The following FBXO11 variants were observed in gnomAD, a reference collection of about 807,000 sequenced individuals.
FBXO11 encodes the protein F-box only protein 11.
FBXO11 carries 13 observed loss-of-function variants against 117.0 expected under a neutral mutation model. The observed-to-expected ratio is 0.11, with a 90% CI of 0.07 to 0.18. FBXO11 has a LOEUF of 0.18. Ranked by LOEUF, FBXO11 falls within the 10% of genes least tolerant of loss-of-function variation. The pLI is 1.00. For synonymous variants in FBXO11, 490 were observed against 380.5 expected (o/e 1.29, Z -3.35); for missense variants, 767 against 1,164.4 (o/e 0.66, Z 4.97).
chr2:47,838,947 T>C lies in FBXO11; in HGVS notation c.499A>G (p.Ile167Val), dbSNP rs578205553. The change falls in exon 4 of 23, where the codon ATC becomes GTC. Residue 167 changes from isoleucine (I) to valine (V), a missense_variant. Ile to Val is a conservative substitution (Grantham distance 29, BLOSUM62 3). This residue lies in a region of FBXO11 where 355 missense variants were observed against 299.8 expected (regional missense o/e 1.18). Coordinates refer to ENST00000403359, the MANE Select transcript of FBXO11 (RefSeq NM_001190274.2). ...TCCTGTTCCAGCAAGTAAGAGAAGA[T>C]TTTTAGAACCACTTCATCTGGCAGT... ...EKLPDEVVLK[I>V]FSYLLEQDLC... 1.9e-6 allele frequency: 3 copies of C among 1,614,052 alleles called. No homozygotes were observed. Among genetic ancestry groups the C allele is most frequent in the South Asian group, 2.2e-5 (2 of 91,068 alleles).
intron 16 of FBXO11, among the ~76,000 whole-genome samples, chr2:47,816,466 T>G (rs1671016716): frequency 6.6e-6 from 1 of 152,170 alleles, no homozygotes; most frequent in African/African-American, 2.4e-5. Flanking sequence ...CAGCACTTTT[T>G]CAGATCTCCT....
intron 11 of FBXO11, among the ~76,000 whole-genome samples, chr2:47,826,448 T>C (rs1558417400): frequency 6.6e-6 from 1 of 152,224 alleles, no homozygotes. Context: ...CTGATTCTTT[T>C]GATTCACATC....
At chr2:47,817,561 C>G (rs1185497399) in intron 16 of FBXO11, among the ~76,000 whole-genome samples, 11 of 152,210 alleles carry the variant, frequency 7.2e-5, no homozygotes, top group East Asian at 1.9e-4. Flanking sequence ...GGCTATTCAG[C>G]CTTTAGACAT....
chr2:47,822,546 G>A (rs1345607058), intron 12 of FBXO11, among the ~76,000 whole-genome samples: 3 of 152,138 alleles, frequency 2.0e-5, no homozygotes, highest in African/African-American at 7.2e-5. Flanking sequence ...TTTTTTAGCT[G>A]ATCTAGAAAC....
At chr2:47,820,504 A>G in intron 13 of FBXO11, 48 bp from the exon 14 acceptor site, 1 of 1,430,070 alleles carries the variant, frequency 7.0e-7, no homozygotes, top group African/African-American at 1.4e-5. Flanking sequence ...AGCCTAGAGA[A>G]TACAGTAAGG....
At chr2:47,879,723 G>A (rs1676299275) in intron 1 of FBXO11, among the ~76,000 whole-genome samples, 1 of 152,152 alleles carries the variant, frequency 6.6e-6, no homozygotes, top group Non-Finnish European at 1.5e-5. Flanking sequence ...CTGCAAATAA[G>A]TTTTACCAGT....
intron 1 of FBXO11, among the ~76,000 whole-genome samples, chr2:47,890,062 T>C (rs1296067052): frequency 6.6e-6 from 1 of 152,222 alleles, no homozygotes; most frequent in Non-Finnish European, 1.5e-5. Flanking sequence ...GCAATCCTAC[T>C]GCCTCAGTCT....
intron 16 of FBXO11, chr2:47,818,322 G>C (rs1315180493): frequency 6.5e-6 from 1 of 153,942 alleles, no homozygotes. Flanking sequence ...GTAATAAACA[G>C]AGGTAAGCCA....
At chr2:47,813,020 A>T in intron 18 of FBXO11, 1 of 563,992 alleles carries the variant, frequency 1.8e-6, no homozygotes, top group Non-Finnish European at 3.2e-6. Context: ...GCTTACTGAC[A>T]ACTGCAGACT....
intron 1 of FBXO11, among the ~76,000 whole-genome samples, chr2:47,887,145 C>A (rs967507887): frequency 6.6e-6 from 1 of 152,072 alleles, no homozygotes; most frequent in Admixed American, 6.6e-5. Flanking sequence ...CTTAGATGGG[C>A]ATGGTGGCGC....
chr2:47,904,163 A>T (rs986506845), intron 1 of FBXO11, among the ~76,000 whole-genome samples: 1 of 152,246 alleles, frequency 6.6e-6, no homozygotes, highest in Non-Finnish European at 1.5e-5. Flanking sequence ...GTATAATTTT[A>T]AAAAACATTT....
intron 1 of FBXO11, among the ~76,000 whole-genome samples, chr2:47,865,326 T>C (rs921494193): frequency 1.3e-5 from 2 of 152,202 alleles, no homozygotes; most frequent in African/African-American, 4.8e-5. Context: ...TTTTGGCCAA[T>C]GGGCTACATG....
Position 47,810,308 on chromosome 2 carries a change from A to G in FBXO11, c.2338+8T>C. 1 of 1,577,664 alleles carries G rather than the reference A, an allele frequency of 6.3e-7. No individual in the cohort carries two copies. The highest frequency in any genetic ancestry group is 8.7e-7 in the Non-Finnish European group (1 of 1,155,270). ...TATAAGCCACAGGTAAGAAAAGAAA[A>G]TACAAACCTGCGGCAAATCCATCAA... On this transcript the variant is annotated splice_region_variant and intron_variant, in intron 19 of 22. Transcript: ENST00000403359.
chr2:47,808,667 T>C (rs770800513), intron 21 of FBXO11: 1 of 405,180 alleles, frequency 2.5e-6, no homozygotes, highest in Non-Finnish European at 4.4e-6. Flanking sequence ...TCTTTCCACT[T>C]TAAAAGCCTC....
intron 1 of FBXO11, among the ~76,000 whole-genome samples, chr2:47,855,063 C>T (rs1674175538): frequency 6.6e-6 from 1 of 152,010 alleles, no homozygotes; most frequent in Non-Finnish European, 1.5e-5. Context: ...AACATGAAAT[C>T]AGGAATCACT....
chr2:47,835,538 G>A (rs1292280912), intron 5 of FBXO11, among the ~76,000 whole-genome samples: 1 of 151,570 alleles, frequency 6.6e-6, no homozygotes, highest in Non-Finnish European at 1.5e-5. Flanking sequence ...TCACTCTGTC[G>A]CCCAGGCTGG....
chr2:47,888,041 A>G (rs1477482810), intron 1 of FBXO11, among the ~76,000 whole-genome samples: 2 of 151,888 alleles, frequency 1.3e-5, no homozygotes, highest in Non-Finnish European at 2.9e-5. Flanking sequence ...TAAAAAATGA[A>G]AGATATATAT....
At chr2:47,891,608 C>T (rs1451994346) in intron 1 of FBXO11, among the ~76,000 whole-genome samples, 4 of 152,134 alleles carry the variant, frequency 2.6e-5, no homozygotes, top group African/African-American at 9.7e-5. Context: ...CTTCAAGTTC[C>T]TGATTTCATT....
chr2:47,878,527 T>C (rs1192858828), intron 1 of FBXO11, among the ~76,000 whole-genome samples: 2 of 152,032 alleles, frequency 1.3e-5, no homozygotes, highest in African/African-American at 4.8e-5. Context: ...GGGCTAATTT[T>C]TGTATTTTCA....
Sources: allele counts gnomAD v4.1 joint callset (sites outside exome capture counted in the v4.1 genomes callset), GRCh38; gene constraint gnomAD v4.1.1; regional missense constraint gnomAD v4.1.1; transcripts MANE v1.5; gene names NCBI Gene and HGNC (gene_info 2026-07-23, HGNC 2026-07-21).